The following NSL1 variants were observed in gnomAD, a reference collection of about 807,000 sequenced individuals.
NSL1 encodes NSL1 component of MIS12 kinetochore complex.
NSL1 carries 11 observed loss-of-function variants against 25.4 expected under a neutral mutation model. The observed-to-expected ratio is 0.43, with a 90% CI of 0.27 to 0.72. NSL1 has a LOEUF of 0.72. Among genes scored for constraint, NSL1 ranks in the 30% least tolerant of loss-of-function variants. The probability of loss-of-function intolerance (pLI) is 0.19; values close to 1 mark genes in which losing one functional copy is unlikely to be tolerated. For missense variants in NSL1, 330 were observed against 342.7 expected (o/e 0.96, Z 0.29); for synonymous variants, 118 against 120.6 (o/e 0.98, Z 0.14).
At chr1:212,762,381 T>A (rs1286439735) in intron 4 of NSL1, among the ~76,000 whole-genome samples, 1 of 150,636 alleles carries the variant, frequency 6.6e-6, no homozygotes, top group Non-Finnish European at 1.5e-5. Context: ...CTAGGCTGCA[T>A]AAGGCCCATG....
intron 4 of NSL1, among the ~76,000 whole-genome samples, chr1:212,765,479 A>G (rs57449384): frequency 0.1 from 15,339 of 152,254 alleles, 907 homozygotes; most frequent in African/African-American, 0.16. Context: ...AATTAAAAAC[A>G]AAAACCATAT....
chr1:212,728,079 C>T lies in NSL1; in HGVS notation c.*10329G>A, dbSNP rs1261314464. 3 of 984,992 alleles carry T rather than the reference C, an allele frequency of 3.0e-6. No individual in the cohort carries two copies. The highest frequency in any genetic ancestry group is 2.4e-6 in the Non-Finnish European group (2 of 829,648). The allele number at this position is 984,992 out of a possible 1,614,324, so 61.0% of individuals were successfully genotyped here. A position where few individuals can be genotyped will look rare whatever the true frequency, so the allele number is the denominator to read the frequency against. The stretch of plus-strand genomic sequence containing the variant: ...GGGAAGGTGGCCAGGCACTTCCCTT[C>T]TCATCTCCACCTCTTTCTCATGAAA... On this transcript the variant is annotated 3_prime_UTR_variant, in exon 6 of 6. Transcript: ENST00000366977.
rs367802024 is a variant in NSL1, at chr1:212,749,651, A to G, written c.500-10050T>C. Among the ~76,000 whole-genome samples the G allele has an allele frequency of 9.7e-4, 148 of 152,230 alleles. 1 individual carries two copies. The South Asian group carries it at 0.027, about 28-fold the overall frequency. ...TCACTGATTTGTGAAGCCTCTCACT[A>G]GGATTCTTAGAGACTAAGCGCCATC... On this transcript the variant is annotated intron_variant, in intron 4 of 5. Transcript: ENST00000366977.
At chr1:212,779,331 T>TG (rs1298376381) in intron 4 of NSL1, among the ~76,000 whole-genome samples, 19 of 88,662 alleles carry the variant, frequency 2.1e-4, no homozygotes, top group African/African-American at 5.9e-4. Flanking sequence ...GGGAGGGAGG[T>TG]GGGGGGGTCA....
At chr1:212,753,827 T>C (rs1659175596) in intron 4 of NSL1, among the ~76,000 whole-genome samples, 1 of 152,226 alleles carries the variant, frequency 6.6e-6, no homozygotes, top group Non-Finnish European at 1.5e-5. Flanking sequence ...TAACAAGTAC[T>C]ATTAAGGAAA....
intron 4 of NSL1, chr1:212,782,105 G>A (rs1232375528): frequency 1.5e-6 from 1 of 677,270 alleles, no homozygotes; most frequent in South Asian, 1.4e-5. Flanking sequence ...TTAGAAGTTA[G>A]AGATGGGTAT....
intron 4 of NSL1, among the ~76,000 whole-genome samples, chr1:212,764,745 C>G (rs899637928): frequency 7.1e-6 from 1 of 141,110 alleles, no homozygotes; most frequent in Non-Finnish European, 1.5e-5. Flanking sequence ...ACTTGGGAGG[C>G]TGAGGAAGGA....
chr1:212,744,573 G>A lies in NSL1; in HGVS notation c.500-4972C>T, dbSNP rs375426764. On this transcript the variant is annotated intron_variant, in intron 4 of 5. Transcript: ENST00000366977. Reference sequence around the variant, plus strand: ...TCAGACACTGGACTGACTAGATAAAGACTTTCCATCAATTATCTTAATATG... The same window carrying A: ...TCAGACACTGGACTGACTAGATAAAAACTTTCCATCAATTATCTTAATATG... Among the ~76,000 whole-genome samples the A allele has an allele frequency of 4.6e-5, 7 of 152,236 alleles. No individual in the cohort carries two copies. The East Asian group carries it at 9.7e-4, about 21-fold the overall frequency.
intron 4 of NSL1, chr1:212,766,319 T>C (rs920593570): frequency 3.9e-5 from 21 of 545,038 alleles, no homozygotes; most frequent in Non-Finnish European, 6.2e-5. Context: ...CTATTCAACA[T>C]AGTACTCAGC....
chr1:212,731,527 C>T lies in NSL1; in HGVS notation c.*6881G>A. 1 of 985,278 alleles carries T rather than the reference C, an allele frequency of 1.0e-6. No individual in the cohort carries two copies. The highest frequency in any genetic ancestry group is 4.7e-5 in the South Asian group (1 of 21,274). The allele number at this position is 985,278 out of a possible 1,614,324, so 61.0% of individuals were successfully genotyped here. A position where few individuals can be genotyped will look rare whatever the true frequency, so the allele number is the denominator to read the frequency against. On this transcript the variant is annotated 3_prime_UTR_variant, in exon 6 of 6. Coordinates refer to ENST00000366977, the MANE Select transcript of NSL1 (RefSeq NM_015471.4). ...GTCTCTTAAACCAAATTTATTTTCC[C>T]TTAATTACTATATGCATTTAATTTT...
chr1:212,791,214 A>T (rs1209489103), intron 1 of NSL1, among the ~76,000 whole-genome samples: 1 of 152,210 alleles, frequency 6.6e-6, no homozygotes, highest in African/African-American at 2.4e-5. Context: ...ACATGTTAAA[A>T]TACCTTGGAT....
Position 212,735,479 on chromosome 1 carries a change from C to T in NSL1, c.*2929G>A, listed in dbSNP as rs1658196833. ...GCAATAAAAAATTTGGTTTTATTCA[C>T]TTTGTCCTCTACGGAGCCCAAGCCA... On this transcript the variant is annotated 3_prime_UTR_variant, in exon 6 of 6. Transcript: ENST00000366977. 1 of 985,292 alleles carries T rather than the reference C, an allele frequency of 1.0e-6. No homozygotes were observed. Among genetic ancestry groups the T allele is most frequent in the African/African-American group, 1.7e-5 (1 of 57,242 alleles). The allele number at this position is 985,292 out of a possible 1,614,324, so 61.0% of individuals were successfully genotyped here.
Position 212,737,955 on chromosome 1 carries a change from T to C in NSL1, c.*453A>G. 2.0e-6 allele frequency: 2 copies of C among 985,588 alleles called. No homozygotes were observed. Among genetic ancestry groups the C allele is most frequent in the Non-Finnish European group, 2.4e-6 (2 of 830,216 alleles). 61.1% of individuals were successfully genotyped at this position (985,588 alleles called of 1,614,324 possible). On this transcript the variant is annotated 3_prime_UTR_variant, in exon 6 of 6. Coordinates refer to ENST00000366977, the MANE Select transcript of NSL1 (RefSeq NM_015471.4). ...TACATCTTTAAAAAAAAACCCTGCA[T>C]CTGCTGCTGTGCAGAACTGATAATT...
intron 4 of NSL1, among the ~76,000 whole-genome samples, chr1:212,756,958 T>A (rs938125155): frequency 6.6e-6 from 1 of 151,862 alleles, no homozygotes; most frequent in African/African-American, 2.4e-5. Context: ...CAGAGAAAAA[T>A]AAAGCAGGTT....
Position 212,726,225 on chromosome 1 carries a change from C to T in NSL1, c.*12183G>A, listed in dbSNP as rs1234563468. 6.6e-6 allele frequency: 1 copy of T among 152,106 alleles called. No homozygotes were observed. The highest frequency in any genetic ancestry group is 6.5e-5 in the Admixed American group (1 of 15,276). 9.4% of individuals were successfully genotyped at this position (152,106 alleles called of 1,614,324 possible). Reference sequence around the variant, plus strand: ...TCACATCAGTGGGGGAAAAGAGGTACTATTCAATAAATGGTGTCAGAACAG... The same window carrying T: ...TCACATCAGTGGGGGAAAAGAGGTATTATTCAATAAATGGTGTCAGAACAG... On this transcript the variant is annotated 3_prime_UTR_variant, in exon 6 of 6. Coordinates refer to ENST00000366977, the MANE Select transcript of NSL1 (RefSeq NM_015471.4).
Position 212,737,982 on chromosome 1 carries a change from C to T in NSL1, c.*426G>A. 4.1e-6 allele frequency: 4 copies of T among 986,826 alleles called. No individual in the cohort carries two copies. The highest frequency in any genetic ancestry group is 3.6e-6 in the Non-Finnish European group (3 of 831,318). The allele number at this position is 986,826 out of a possible 1,614,324, so 61.1% of individuals were successfully genotyped here. A position where few individuals can be genotyped will look rare whatever the true frequency, so the allele number is the denominator to read the frequency against. On this transcript the variant is annotated 3_prime_UTR_variant, in exon 6 of 6. Coordinates refer to ENST00000366977, the MANE Select transcript of NSL1 (RefSeq NM_015471.4). The stretch of plus-strand genomic sequence containing the variant: ...TGCTGCTGTGCAGAACTGATAATTA[C>T]TTTTCAGCATGTAAACGAAAAATCA...
intron 4 of NSL1, among the ~76,000 whole-genome samples, chr1:212,771,710 C>CTAG (rs1207730891): frequency 6.6e-6 from 1 of 150,628 alleles, no homozygotes; most frequent in African/African-American, 2.4e-5. Context: ...TTCTATACAC[C>CTAG]AATAATGAAC....
At position 212,726,990 on chromosome 1, in the gene NSL1, C is replaced by T. The variant is rs1481835601; in HGVS notation, c.*11418G>A. On this transcript the variant is annotated 3_prime_UTR_variant, in exon 6 of 6. Coordinates refer to ENST00000366977, the MANE Select transcript of NSL1 (RefSeq NM_015471.4). ...GGGAGAGTGTGCTTCCTGGCTGTGT[C>T]CTCTCAGAGGCCCTCCAGTCCAGTC... 1 of 857,368 alleles carries T rather than the reference C, an allele frequency of 1.2e-6. No homozygotes were observed. Among genetic ancestry groups the T allele is most frequent in the Non-Finnish European group, 1.7e-6 (1 of 576,222 alleles). 53.1% of individuals were successfully genotyped at this position (857,368 alleles called of 1,614,324 possible). A position where few individuals can be genotyped will look rare whatever the true frequency, so the allele number is the denominator to read the frequency against.
At chr1:212,757,413 T>C (rs559693669) in intron 4 of NSL1, among the ~76,000 whole-genome samples, 2 of 152,320 alleles carry the variant, frequency 1.3e-5, no homozygotes, top group East Asian at 3.9e-4. Context: ...ACCAGGGTGT[T>C]AGTCTGTTTT....
Sources: gnomAD v4.1 joint callset for allele counts (sites outside exome capture counted in the v4.1 genomes callset) on GRCh38, gnomAD v4.1.1 for gene constraint, MANE v1.5 for transcripts, NCBI Gene and HGNC (gene_info 2026-07-23, HGNC 2026-07-21) for gene names.